Variants in SLC10A2 observed in about 807,000 individuals in gnomAD.
SLC10A2 encodes solute carrier family 10 member 2, also known as ileal sodium/bile acid cotransporter.
A neutral mutation model predicts 27.1 loss-of-function variants in SLC10A2; 34 were observed. The observed-to-expected ratio is 1.26, with a 90% CI of 0.96 to 1.67. The LOEUF (loss-of-function observed/expected upper bound fraction) is 1.67. SLC10A2 is among the 40% of genes most tolerant of loss of function. The pLI is 0.00. For missense variants in SLC10A2, 530 were observed against 444.4 expected (o/e 1.19, Z -1.73); for synonymous variants, 205 against 174.0 (o/e 1.18, Z -1.40).
rs1319667451 is a variant in SLC10A2, at chr13:103,044,710, A to G, written c.*1423T>C. 6.6e-6 allele frequency: 1 copy of G among 152,212 alleles called. No individual in the cohort carries two copies. Among genetic ancestry groups the G allele is most frequent in the Non-Finnish European group, 1.5e-5 (1 of 68,026 alleles). 9.4% of individuals were successfully genotyped at this position (152,212 alleles called of 1,614,324 possible). Reference sequence around the variant, plus strand: ...GCAAATGCAAAAAGCCCTTTCAGCCAAAACACTTGAAATAGACTCTATGAG... The same window carrying G: ...GCAAATGCAAAAAGCCCTTTCAGCCGAAACACTTGAAATAGACTCTATGAG... On this transcript the variant is annotated 3_prime_UTR_variant, in exon 6 of 6. Transcript: ENST00000245312.
intron 3 of SLC10A2, 74 bp from the exon 4 acceptor site, chr13:103,051,506 A>G (rs1875782164): frequency 1.3e-6 from 2 of 1,499,676 alleles, no homozygotes; most frequent in Non-Finnish European, 1.8e-6. Flanking sequence ...TCAGAGACAA[A>G]ACCTCAGCAG....
chr13:103,065,170 G>T (rs1043380292), intron 1 of SLC10A2, among the ~76,000 whole-genome samples: 3 of 151,810 alleles, frequency 2.0e-5, no homozygotes, highest in African/African-American at 4.8e-5. Context: ...ATTTCTATTA[G>T]TTTTTTTTTC....
chr13:103,065,366 T>A (rs944972449), intron 1 of SLC10A2, among the ~76,000 whole-genome samples: 3 of 152,212 alleles, frequency 2.0e-5, no homozygotes, highest in Admixed American at 1.3e-4. Context: ...TACAAATTCT[T>A]CCTTAGGTTT....
At position 103,049,459 on chromosome 13, in the gene SLC10A2, T is replaced by G. The variant is rs769120580; in HGVS notation, c.762-13A>C. On this transcript the variant is annotated splice_polypyrimidine_tract_variant and intron_variant, in intron 4 of 5. Coordinates refer to ENST00000245312, the MANE Select transcript of SLC10A2 (RefSeq NM_000452.3). The stretch of plus-strand genomic sequence containing the variant: ...AACCGTTCGGCACCTAAAGAAGATG[T>G]TAAGAGAGCACATGTTTTAGTAGTT... 9.9e-6 allele frequency: 16 copies of G among 1,613,642 alleles called. No homozygotes were observed. Among genetic ancestry groups the G allele is most frequent in the Non-Finnish European group, 1.4e-5 (16 of 1,179,716 alleles).
chr13:103,054,544 G>A (rs1284912503), intron 2 of SLC10A2, among the ~76,000 whole-genome samples: 1 of 152,152 alleles, frequency 6.6e-6, no homozygotes, highest in Admixed American at 6.5e-5. Context: ...GAATGTTAGT[G>A]TGGTTAGGTT....
chr13:103,046,305 A>G, intron 5 of SLC10A2, 45 bp from the exon 6 acceptor site: 1 of 1,497,298 alleles, frequency 6.7e-7, no homozygotes, highest in South Asian at 1.2e-5. Flanking sequence ...TATAATAATA[A>G]ACTGCAAAAT....
rs199601856 is a variant in SLC10A2 at position 103,051,231 on chromosome 13, C to G, written c.761+26G>C. On this transcript the variant is annotated intron_variant, in intron 4 of 5. Transcript: ENST00000245312. ...CAACAGATATTACAGATTAAAATTC[C>G]CAATGTGATTTACTAAATGCCATAC... 563 of 1,611,402 alleles carry G rather than the reference C, an allele frequency of 3.5e-4. No homozygotes were observed. The African/African-American group carries it at 6.9e-3, about 20-fold the overall frequency.
At chr13:103,065,394 T>TACCAGGAAAATATA (rs1876241634) in intron 1 of SLC10A2, among the ~76,000 whole-genome samples, 1 of 152,228 alleles carries the variant, frequency 6.6e-6, no homozygotes, top group African/African-American at 2.4e-5. Context: ...GGAAAATGTT[T>TACCAGGAAAATATA]GCCCAAAGAA....
Position 103,051,374 on chromosome 13 carries a change from A to G in SLC10A2, c.644T>C (p.Leu215Ser), listed in dbSNP as rs201696131. The G allele has an allele frequency of 2.5e-6, 4 of 1,614,106 alleles. No homozygotes were observed. The East Asian group carries it at 6.7e-5, about 27-fold the overall frequency. ...AGCAATGATCCAGGCGCTTTGGTAC[A>G]ATATTCCTCCAACCACAGCTATGAG... ...IVLIAVVGGILYQSAWIIAPK... is the reference protein window; with the variant it reads ...IVLIAVVGGISYQSAWIIAPK... The change falls in exon 4 of 6, where the codon TTG becomes TCG. Residue 215 changes from leucine (L) to serine (S), a missense_variant. Leu to Ser is a moderately radical substitution (Grantham distance 145). Transcript: ENST00000245312.
chr13:103,046,986 T>C (rs1376580207), intron 5 of SLC10A2, among the ~76,000 whole-genome samples: 1 of 152,200 alleles, frequency 6.6e-6, no homozygotes, highest in African/African-American at 2.4e-5. Context: ...TATCCATAGT[T>C]AAAGTGCTAT....
chr13:103,047,679 A>G (rs1875652237), intron 5 of SLC10A2, among the ~76,000 whole-genome samples: 2 of 151,804 alleles, frequency 1.3e-5, no homozygotes, highest in Admixed American at 6.6e-5. Context: ...TTCCTCCCTT[A>G]TTTTTATACA....
Position 103,052,637 on chromosome 13 carries a change from C to T in SLC10A2, c.568G>A (p.Ala190Thr), listed in dbSNP as rs200735895. 4.7e-5 allele frequency: 76 copies of T among 1,609,790 alleles called. No individual in the cohort carries two copies. The Middle Eastern group carries it at 8.2e-4, about 17-fold the overall frequency. The change falls in exon 3 of 6, where the codon GCA becomes ACA. Residue 190 changes from alanine to threonine, a missense_variant. Physicochemically the swap from Ala to Thr is moderately conservative, Grantham distance 58 (BLOSUM62 0). Coordinates refer to ENST00000245312, the MANE Select transcript of SLC10A2 (RefSeq NM_000452.3). ...ATACTTACTTTAAGTATGATCTTTG[C>T]TTTTTGGGGCCATTTGTGATTAACA... ...MFVNHKWPQK[A>T]KIILKIGSIA...
chr13:103,050,873 G>C (rs1875758422), intron 4 of SLC10A2, among the ~76,000 whole-genome samples: 1 of 152,126 alleles, frequency 6.6e-6, no homozygotes, highest in Non-Finnish European at 1.5e-5. Context: ...CGCACCTCAG[G>C]ATGTGACATT....
intron 2 of SLC10A2, 57 bp downstream of exon 2, chr13:103,058,207 G>T (rs1747761089): frequency 3.0e-6 from 3 of 1,007,948 alleles, no homozygotes; most frequent in East Asian, 2.4e-5. Context: ...AGCCTAGCAG[G>T]GGGTAAGCAG....
chr13:103,045,719 T>C lies in SLC10A2; in HGVS notation c.*414A>G. 1 of 160,504 alleles carries C rather than the reference T, an allele frequency of 6.2e-6. No individual in the cohort carries two copies. The highest frequency in any genetic ancestry group is 1.8e-4 in the South Asian group (1 of 5,674). The allele number at this position is 160,504 out of a possible 1,614,324, so 9.9% of individuals were successfully genotyped here. A position where few individuals can be genotyped will look rare whatever the true frequency, so the allele number is the denominator to read the frequency against. ...ACACTGAAGAAAATCGTGACCACTG[T>C]AATAATAATAATTCATTACATCTAC... On this transcript the variant is annotated 3_prime_UTR_variant, in exon 6 of 6. Transcript: ENST00000245312.
intron 1 of SLC10A2, among the ~76,000 whole-genome samples, chr13:103,063,447 G>A (rs1876184380): frequency 6.6e-6 from 1 of 152,186 alleles, no homozygotes; most frequent in Non-Finnish European, 1.5e-5. Context: ...TTCAAGTGGA[G>A]ATGGAGAAGG....
intron 4 of SLC10A2, among the ~76,000 whole-genome samples, chr13:103,049,688 A>G (rs1875716871): frequency 6.6e-6 from 1 of 152,140 alleles, no homozygotes; most frequent in Non-Finnish European, 1.5e-5. Flanking sequence ...TGTGCATATG[A>G]AGAGTTGGCT....
intron 1 of SLC10A2, among the ~76,000 whole-genome samples, chr13:103,058,863 G>A (rs552826459): frequency 6.6e-6 from 1 of 152,274 alleles, no homozygotes; most frequent in Non-Finnish European, 1.5e-5. Context: ...TATCATTGAT[G>A]GGCAATTAGG....
chr13:103,058,272 T>A lies in SLC10A2; in HGVS notation c.488A>T (p.Asp163Val). The change falls in exon 2 of 6, where the codon GAT becomes GTT. Residue 163 changes from aspartate (D) to valine (V), a missense_variant. Physicochemically the swap from Asp to Val is radical, Grantham distance 152. Transcript: ENST00000245312. ...VDSGSIVIPY[D>V]NIGTSLVSLV... ...ACAGATGGATGACTTACCTATGTTA[T>A]CATAGGGAATTACGATGCTCCCAGA... 6.5e-7 allele frequency: 1 copy of A among 1,549,238 alleles called. No homozygotes were observed. The highest frequency in any genetic ancestry group is 8.9e-7 in the Non-Finnish European group (1 of 1,120,816).
Sources: allele counts gnomAD v4.1 joint callset (sites outside exome capture counted in the v4.1 genomes callset), GRCh38; gene constraint gnomAD v4.1.1; transcripts MANE v1.5; gene names NCBI Gene and HGNC (gene_info 2026-07-23, HGNC 2026-07-21).